The following CAPS2 variants were observed in gnomAD, a reference collection of about 807,000 sequenced individuals.
CAPS2 encodes calcyphosine 2, also known as calcyphosin-2.
In CAPS2, 98 loss-of-function variants were observed where a neutral mutation model predicts 86.5. The ratio of observed to expected loss-of-function variants is 1.13; its 90% CI spans 0.96 to 1.34. The LOEUF is 1.34. Among genes scored for constraint, CAPS2 ranks in the 40% most tolerant of loss-of-function variants. CAPS2 has a pLI of 0.00. For missense variants in CAPS2, 729 were observed against 686.8 expected (o/e 1.06, Z -0.69); for synonymous variants, 210 against 225.1 (o/e 0.93, Z 0.60).
chr12:75,321,614 A>G (rs2040307435), intron 4 of CAPS2, 38 bp from the exon 5 acceptor site: 2 of 1,435,030 alleles, frequency 1.4e-6, no homozygotes, highest in African/African-American at 2.9e-5. Context: ...ATCAGAAAAA[A>G]AAAGTATTAA....
intron 5 of CAPS2, 48 bp from the exon 6 acceptor site, chr12:75,316,482 T>C (rs1453744420): frequency 3.4e-6 from 5 of 1,455,086 alleles, no homozygotes; most frequent in Non-Finnish European, 4.6e-6. Context: ...ATTTAGAATG[T>C]TTGTTTTTAA....
At chr12:75,363,196 C>CA in intron 1 of CAPS2, 1 of 1,289,488 alleles carries the variant, frequency 7.8e-7, no homozygotes, top group Non-Finnish European at 1.0e-6. Flanking sequence ...CTGCAGTAAG[C>CA]AAAAATATAT....
At chr12:75,290,991 C>T (rs1048362290) in intron 13 of CAPS2, among the ~76,000 whole-genome samples, 44 of 151,800 alleles carry the variant, frequency 2.9e-4, no homozygotes, top group African/African-American at 8.7e-4. Context: ...CAATATCTTT[C>T]TCCATTTTAT....
At chr12:75,343,804 G>A (rs145349592) in intron 1 of CAPS2, 37 of 1,613,436 alleles carry the variant, frequency 2.3e-5, no homozygotes, top group Middle Eastern at 1.7e-4. Flanking sequence ...TTTTGAATAT[G>A]TTGGAGAAAA....
chr12:75,289,211 A>G (rs1593243242), intron 14 of CAPS2, among the ~76,000 whole-genome samples: 1 of 152,200 alleles, frequency 6.6e-6, no homozygotes, highest in East Asian at 1.9e-4. Flanking sequence ...TCAACCTTCA[A>G]AACTCAGCTT....
chr12:75,333,868 G>C (rs113039270), upstream of CAPS2: 1 of 152,088 alleles, frequency 6.6e-6, no homozygotes, highest in African/African-American at 2.4e-5. Context: ...AAAAATGCTG[G>C]TTTATTACAG....
At chr12:75,325,088 A>T in intron 2 of CAPS2, 151 bp downstream of exon 3, 1 of 515,014 alleles carries the variant, frequency 1.9e-6, no homozygotes, top group Non-Finnish European at 3.2e-6. Flanking sequence ...TAATTTTGGT[A>T]TAGTAATTTT....
At chr12:75,306,583 C>T (rs562967652) in intron 7 of CAPS2, among the ~76,000 whole-genome samples, 3 of 152,294 alleles carry the variant, frequency 2.0e-5, no homozygotes, top group African/African-American at 4.8e-5. Flanking sequence ...TTGGCGCTTT[C>T]GCTTTCGTGC....
At chr12:75,277,447 AAT>A in exon 17 of CAPS2, 1 of 933,760 alleles carries the variant, frequency 1.1e-6, no homozygotes, top group Non-Finnish European at 1.3e-6. Flanking sequence ...ATGTGACAAA[AAT>A]AGTGTTATAG....
At chr12:75,289,308 G>A (rs1437843999) in intron 14 of CAPS2, among the ~76,000 whole-genome samples, 1 of 152,130 alleles carries the variant, frequency 6.6e-6, no homozygotes, top group East Asian at 1.9e-4. Context: ...ACCCCATGGT[G>A]TTCCAACAAC....
At chr12:75,356,522 T>A (rs1324544050) in intron 1 of CAPS2, among the ~76,000 whole-genome samples, 4 of 152,078 alleles carry the variant, frequency 2.6e-5, no homozygotes, top group Non-Finnish European at 5.9e-5. Context: ...CTAAAGTAAC[T>A]GCTAAAATTA....
chr12:75,343,910 G>T lies in CAPS2; in HGVS notation c.-394-20688C>A, dbSNP rs757132419. 3 of 1,610,602 alleles carry T rather than the reference G, an allele frequency of 1.9e-6. No homozygotes were observed. In the South Asian group the frequency reaches 3.3e-5, roughly 18 times the overall value. On this transcript the variant is annotated intron_variant, in intron 1 of 5. Coordinates refer to the CAPS2 transcript ENST00000551829. ...TTTTATGATTTTGATAGTCTATCAT[G>T]CTCCAGAGTCTGTGGCCATTATACA...
chr12:75,284,439 T>C (rs2034516840), intron 15 of CAPS2, among the ~76,000 whole-genome samples: 1 of 152,166 alleles, frequency 6.6e-6, no homozygotes, highest in African/African-American at 2.4e-5. Context: ...CTGTTTTTAA[T>C]TCCAATTTAA....
intron 7 of CAPS2, among the ~76,000 whole-genome samples, chr12:75,312,231 A>G (rs1207648902): frequency 6.6e-6 from 1 of 152,196 alleles, no homozygotes; most frequent in African/African-American, 2.4e-5. Context: ...GTGAACTCAC[A>G]GGGGTACTAT....
At chr12:75,345,872 G>A (rs1041294545) in intron 1 of CAPS2, among the ~76,000 whole-genome samples, 10 of 152,108 alleles carry the variant, frequency 6.6e-5, no homozygotes, top group South Asian at 4.1e-4. Context: ...TTCTCCCTTC[G>A]TATTACTAAA....
rs537616898 is a variant in CAPS2 at position 75,385,829 on chromosome 12, A to T, written c.-395+5009T>A. Among the ~76,000 whole-genome samples, 3 of 152,330 alleles carry T rather than the reference A, an allele frequency of 2.0e-5. No homozygotes were observed. In the East Asian group the frequency reaches 5.8e-4, roughly 29 times the overall value. ...TACTAGCCATGAACAAGTAGAATTT[A>T]AAATTGGAAACATAATAGCGTTTAG... is the stretch of plus-strand genomic sequence containing the variant. On this transcript the variant is annotated intron_variant, in intron 1 of 5. Transcript: ENST00000551829.
At chr12:75,276,264 T>C, downstream of CAPS2, 1 of 1,538,918 alleles carries the variant, frequency 6.5e-7, no homozygotes, top group Non-Finnish European at 8.8e-7. Context: ...GTGATTATAG[T>C]TTATCAGGGT....
At chr12:75,310,674 T>G (rs1176494290) in intron 7 of CAPS2, among the ~76,000 whole-genome samples, 1 of 152,166 alleles carries the variant, frequency 6.6e-6, no homozygotes, top group Non-Finnish European at 1.5e-5. Context: ...AGCTTTTGAC[T>G]TGCTTTGGTC....
At chr12:75,355,617 C>T in intron 1 of CAPS2, among the ~76,000 whole-genome samples, 1 of 152,140 alleles carries the variant, frequency 6.6e-6, no homozygotes, top group East Asian at 1.9e-4. Context: ...ACCCAGCAAT[C>T]CCATCGCTAG....
Sources: gnomAD v4.1 joint callset for allele counts (sites outside exome capture counted in the v4.1 genomes callset) on GRCh38, gnomAD v4.1.1 for gene constraint, MANE v1.5 for transcripts, NCBI Gene and HGNC (gene_info 2026-07-23, HGNC 2026-07-21) for gene names.